The following FAM117A variants were observed in gnomAD, a reference collection of about 807,000 sequenced individuals.
The protein encoded by FAM117A is family with sequence similarity 117 member A, also known as protein FAM117A.
A neutral mutation model predicts 44.1 loss-of-function variants in FAM117A; 21 were observed. The observed-to-expected ratio is 0.48, with a 90% CI of 0.34 to 0.69. The LOEUF is 0.69. Ranked by LOEUF, FAM117A falls within the 30% of genes least tolerant of loss-of-function variation. The probability of loss-of-function intolerance (pLI) is 0.01; values close to 1 mark genes in which losing one functional copy is unlikely to be tolerated. For synonymous variants in FAM117A, 220 were observed against 238.3 expected, an observed-to-expected ratio of 0.92 and a Z score of 0.71; for missense variants, 498 against 589.9, an observed-to-expected ratio of 0.84 and a Z score of 1.61.
chr17:49,759,245 G>A (rs1049592946), intron 1 of FAM117A, among the ~76,000 whole-genome samples: 2 of 152,168 alleles, frequency 1.3e-5, no homozygotes, highest in African/African-American at 4.8e-5. Flanking sequence ...AAATACCGAA[G>A]AACACATGGA....
intron 1 of FAM117A, among the ~76,000 whole-genome samples, chr17:49,784,239 C>A (rs2073798666): frequency 6.6e-6 from 1 of 152,202 alleles, no homozygotes; most frequent in Non-Finnish European, 1.5e-5. Flanking sequence ...AAGGAAATAA[C>A]ACAAGCACAT....
chr17:49,723,504 A>C (rs189777145), intron 2 of FAM117A, among the ~76,000 whole-genome samples: 1 of 152,234 alleles, frequency 6.6e-6, no homozygotes, highest in East Asian at 1.9e-4. Context: ...CTTCCATTCC[A>C]AGGGAGGGGC....
intron 1 of FAM117A, among the ~76,000 whole-genome samples, chr17:49,769,400 A>G (rs1356806286): frequency 1.3e-5 from 2 of 152,078 alleles, no homozygotes; most frequent in Non-Finnish European, 2.9e-5. Context: ...GATCAGAGAC[A>G]TTAAAACTTT....
chr17:49,776,067 C>A (rs771704208), intron 1 of FAM117A, among the ~76,000 whole-genome samples: 1 of 152,162 alleles, frequency 6.6e-6, no homozygotes, highest in Admixed American at 6.5e-5. Context: ...AACATCAAGG[C>A]TCCAGGAAGG....
At chr17:49,752,073 T>C (rs1165036748) in intron 1 of FAM117A, among the ~76,000 whole-genome samples, 1 of 150,880 alleles carries the variant, frequency 6.6e-6, no homozygotes, top group East Asian at 1.9e-4. Flanking sequence ...CTGAGCAACA[T>C]AGTGAGATCC....
At position 49,772,291 on chromosome 17, in the gene FAM117A, C is replaced by CA. The variant is rs71146935; in HGVS notation, c.-621+16205dup. On this transcript the variant is annotated intron_variant, in intron 1 of 7. Transcript: ENST00000513602. The stretch of plus-strand genomic sequence containing the variant: ...TGGGCAACTGAGGGAAACTCCACCT[C>CA]AAAAAAAAAAAAAGTATCATCAAAA... 2.0e-3 allele frequency among the ~76,000 whole-genome samples: 272 copies of CA among 136,552 alleles called. 1 individual carries two copies. Among genetic ancestry groups the CA allele is most frequent in the Middle Eastern group, 0.014 (4 of 278 alleles). The allele number at this position is 136,552 out of a possible 152,430, so 89.6% of individuals were successfully genotyped here.
intron 1 of FAM117A, among the ~76,000 whole-genome samples, chr17:49,757,056 C>A (rs372513960): frequency 2.6e-5 from 4 of 152,288 alleles, no homozygotes; most frequent in African/African-American, 9.6e-5. Context: ...TGATCACAGG[C>A]CAGCTGCTTC....
intron 7 of FAM117A, among the ~76,000 whole-genome samples, chr17:49,715,395 C>T (rs1300171002): frequency 1.3e-5 from 2 of 152,182 alleles, no homozygotes; most frequent in Non-Finnish European, 2.9e-5. Flanking sequence ...ACTAAACTTC[C>T]TGACTGCCAC....
intron 5 of FAM117A, among the ~76,000 whole-genome samples, chr17:49,718,690 A>G (rs2073517401): frequency 6.9e-6 from 1 of 145,954 alleles, no homozygotes; most frequent in Non-Finnish European, 1.5e-5. Context: ...AAAGAAAAAA[A>G]AATGTGCCTG....
chr17:49,785,909 CT>C (rs2073804306), intron 1 of FAM117A, among the ~76,000 whole-genome samples: 1 of 152,210 alleles, frequency 6.6e-6, no homozygotes, highest in Non-Finnish European at 1.5e-5. Context: ...AACGTGAAGT[CT>C]GGTGATTGAG....
intron 1 of FAM117A, among the ~76,000 whole-genome samples, chr17:49,753,580 C>A (rs1002905163): frequency 6.6e-6 from 1 of 152,184 alleles, no homozygotes; most frequent in African/African-American, 2.4e-5. Context: ...CTTTGGGAGG[C>A]TGGGGCGGTT....
At chr17:49,747,180 C>T (rs1318453807) in intron 1 of FAM117A, 2 of 152,024 alleles carry the variant, frequency 1.3e-5, no homozygotes, top group East Asian at 1.9e-4. Context: ...ATTTGCCTTA[C>T]CTAGGCTGAT....
chr17:49,788,842 G>T (rs2073842645), upstream of FAM117A: 4 of 1,587,230 alleles, frequency 2.5e-6, no homozygotes, highest in Non-Finnish European at 3.4e-6. Flanking sequence ...GCAATGCCGC[G>T]AAGGAAGGTG....
chr17:49,737,108 T>C (rs1243148755), intron 1 of FAM117A, among the ~76,000 whole-genome samples: 1 of 152,216 alleles, frequency 6.6e-6, no homozygotes, highest in Non-Finnish European at 1.5e-5. Flanking sequence ...TTGTCTTTTT[T>C]TCTCTCTCTG....
Position 49,763,980 on chromosome 17 carries a change from G to A in FAM117A, c.108C>T (p.Ser36=), listed in dbSNP as rs1598035296. The change falls in exon 1 of 8, where the codon TCC becomes TCT. Residue 36 remains serine, a synonymous_variant. Transcript: ENST00000240364. ...TGAGCGGCTGCAGCCCAGCCCGGGG[G>A]GAGCCGGCGGGGGCTGGGGGAGAGC... ...RGCSPPAPAG[S]PRAGLQPLRA... 5 of 1,226,770 alleles carry A rather than the reference G, an allele frequency of 4.1e-6. No individual in the cohort carries two copies. The East Asian group carries it at 1.6e-4, about 39-fold the overall frequency. The allele number at this position is 1,226,770 out of a possible 1,614,324, so 76.0% of individuals were successfully genotyped here.
chr17:49,788,045 G>A (rs1282614659), intron 1 of FAM117A, among the ~76,000 whole-genome samples: 1 of 152,118 alleles, frequency 6.6e-6, no homozygotes, highest in African/African-American at 2.4e-5. Flanking sequence ...GCTAAATTGG[G>A]AATTATTTGA....
chr17:49,751,943 CAAAA>C (rs71146933), intron 1 of FAM117A, among the ~76,000 whole-genome samples: 1 of 56,952 alleles, frequency 1.8e-5, no homozygotes. Context: ...GACTCCATCT[CAAAA>C]AAAAAAAAAA....
chr17:49,725,002 C>T (rs1324609832), intron 2 of FAM117A, among the ~76,000 whole-genome samples: 1 of 152,160 alleles, frequency 6.6e-6, no homozygotes, highest in Non-Finnish European at 1.5e-5. Context: ...ACTACTAAGG[C>T]CATTTCTTTG....
intron 1 of FAM117A, among the ~76,000 whole-genome samples, chr17:49,770,439 T>C (rs2073757779): frequency 6.6e-6 from 1 of 152,172 alleles, no homozygotes; most frequent in African/African-American, 2.4e-5. Flanking sequence ...ATATGAAATG[T>C]CCAGAAACGC....
Sources: allele counts gnomAD v4.1 joint callset (sites outside exome capture counted in the v4.1 genomes callset), GRCh38; gene constraint gnomAD v4.1.1; transcripts MANE v1.5; gene names NCBI Gene and HGNC (gene_info 2026-07-23, HGNC 2026-07-21).